HCN1: variants seen among roughly 807,000 people sequenced by gnomAD.
The protein encoded by HCN1 is potassium/sodium hyperpolarization-activated cyclic nucleotide-gated channel 1.
Under a neutral mutation model 78.9 loss-of-function variants are expected in HCN1, and 13 were observed. That is an observed-to-expected ratio of 0.16 (90% CI 0.11 to 0.26). The LOEUF is 0.26. Among genes scored for constraint, HCN1 ranks in the 10% least tolerant of loss-of-function variants. The pLI, the probability that HCN1 is intolerant of heterozygous loss-of-function variation, is 1.00. For missense variants in HCN1, 810 were observed against 1,154.3 expected, an observed-to-expected ratio of 0.70 and a Z score of 4.32; for synonymous variants, 552 against 455.5, an observed-to-expected ratio of 1.21 and a Z score of -2.70.
intron 3 of HCN1, among the ~76,000 whole-genome samples, chr5:45,446,659 G>C (rs147377091): frequency 0.096 from 14,630 of 152,202 alleles, 947 homozygotes; most frequent in Middle Eastern, 0.17. Context: ...TACCCTCAAA[G>C]GGAAGCCCAT....
At chr5:45,455,801 C>G (rs1741018151) in intron 3 of HCN1, among the ~76,000 whole-genome samples, 1 of 146,656 alleles carries the variant, frequency 6.8e-6, no homozygotes, top group African/African-American at 2.5e-5. Context: ...GGCATTATAG[C>G]AGCTTTTCAA....
chr5:45,453,123 C>T (rs1364065606), intron 3 of HCN1, among the ~76,000 whole-genome samples: 1 of 151,980 alleles, frequency 6.6e-6, no homozygotes, highest in Admixed American at 6.6e-5. Flanking sequence ...AAATAGGCAA[C>T]TTAGCTTACA....
chr5:45,286,598 A>G (rs1745274381), intron 6 of HCN1, among the ~76,000 whole-genome samples: 1 of 151,966 alleles, frequency 6.6e-6, no homozygotes, highest in African/African-American at 2.4e-5. Context: ...TGACTGTATT[A>G]TTGTCAGCGA....
At chr5:45,520,431 T>A (rs894190303) in intron 2 of HCN1, among the ~76,000 whole-genome samples, 2 of 152,050 alleles carry the variant, frequency 1.3e-5, no homozygotes, top group Non-Finnish European at 2.9e-5. Context: ...GGACACTGAT[T>A]TATGCAACTT....
At chr5:45,447,800 G>T (rs1007679458) in intron 3 of HCN1, among the ~76,000 whole-genome samples, 1 of 151,980 alleles carries the variant, frequency 6.6e-6, no homozygotes, top group Non-Finnish European at 1.5e-5. Context: ...ACCTCAAAAA[G>T]GGGGAGGTGT....
chr5:45,520,361 C>T (rs1241765119), intron 2 of HCN1, among the ~76,000 whole-genome samples: 4 of 151,942 alleles, frequency 2.6e-5, no homozygotes, highest in Non-Finnish European at 4.4e-5. Context: ...TGCATCTGCT[C>T]CAGTCTCAGT....
chr5:45,591,897 C>T lies in HCN1; in HGVS notation c.849+53288G>A, dbSNP rs190615100. 3.7e-4 allele frequency among the ~76,000 whole-genome samples: 56 copies of T among 152,074 alleles called. 1 individual carries two copies. The South Asian group carries it at 6.9e-3, about 19-fold the overall frequency. On this transcript the variant is annotated intron_variant, in intron 2 of 7. Transcript: ENST00000303230. ...TTATCTAGGTTTTCTCCTATGTTTT[C>T]TTCTAGGAGTTTTATAGTTTTGTAT...
intron 2 of HCN1, among the ~76,000 whole-genome samples, chr5:45,630,893 T>C (rs976250805): frequency 6.6e-6 from 1 of 152,298 alleles, no homozygotes; most frequent in African/African-American, 2.4e-5. Flanking sequence ...TTTTTGTGTA[T>C]TGTTGTAATG....
intron 4 of HCN1, among the ~76,000 whole-genome samples, chr5:45,375,796 GATATATCTTATATATAATATAATATTTT>G (rs1747625228): frequency 6.4e-5 from 7 of 109,396 alleles, no homozygotes. Flanking sequence ...AATATTTTAT[GATATATCTTATATATAATATAATATTTT>G]ATGATATATC....
intron 2 of HCN1, among the ~76,000 whole-genome samples, chr5:45,498,800 C>G (rs564448384): frequency 1.3e-5 from 2 of 152,106 alleles, no homozygotes; most frequent in African/African-American, 4.8e-5. Flanking sequence ...TTCCTTCTAA[C>G]AGACAGGACC....
rs186054601 is a variant in HCN1 at position 45,597,268 on chromosome 5, G to A, written c.849+47917C>T. Among the ~76,000 whole-genome samples the A allele has an allele frequency of 5.3e-5, 8 of 152,152 alleles. No individual in the cohort carries two copies. In the East Asian group the frequency reaches 5.8e-4, roughly 11 times the overall value. On this transcript the variant is annotated intron_variant, in intron 2 of 7. Coordinates refer to ENST00000303230, the MANE Select transcript of HCN1 (RefSeq NM_021072.4). Reference sequence around the variant, plus strand: ...GGGATGCAAAGCTGGTTCAACTTACGCAAATCAATAAACGTAATCCATCAC... The same window carrying A: ...GGGATGCAAAGCTGGTTCAACTTACACAAATCAATAAACGTAATCCATCAC...
intron 2 of HCN1, among the ~76,000 whole-genome samples, chr5:45,519,511 T>C (rs1308876878): frequency 6.6e-6 from 1 of 151,986 alleles, no homozygotes; most frequent in Non-Finnish European, 1.5e-5. Context: ...AAAAAAACAA[T>C]GTGCAGTTTT....
chr5:45,552,924 A>T (rs1277156893), intron 2 of HCN1, among the ~76,000 whole-genome samples: 1 of 151,922 alleles, frequency 6.6e-6, no homozygotes, highest in Admixed American at 6.6e-5. Flanking sequence ...CAAATAGGAG[A>T]TCAGATAAAA....
intron 1 of HCN1, among the ~76,000 whole-genome samples, chr5:45,658,079 C>G (rs549172319): frequency 6.6e-6 from 1 of 152,078 alleles, no homozygotes; most frequent in African/African-American, 2.4e-5. Context: ...TCAGAAATAA[C>G]GCCGCATATC....
At chr5:45,368,780 C>T (rs1747287564) in intron 4 of HCN1, among the ~76,000 whole-genome samples, 1 of 151,980 alleles carries the variant, frequency 6.6e-6, no homozygotes, top group Non-Finnish European at 1.5e-5. Flanking sequence ...TTTGTTTTGC[C>T]ATATTTTTTT....
At chr5:45,289,724 A>C (rs553748987) in intron 6 of HCN1, among the ~76,000 whole-genome samples, 1 of 152,184 alleles carries the variant, frequency 6.6e-6, no homozygotes, top group South Asian at 2.1e-4. Flanking sequence ...TATTCTATTC[A>C]GCACTGTATT....
At chr5:45,651,962 T>C (rs1341600447) in intron 1 of HCN1, among the ~76,000 whole-genome samples, 1 of 151,978 alleles carries the variant, frequency 6.6e-6, no homozygotes, top group Non-Finnish European at 1.5e-5. Context: ...TTAGCCTAAG[T>C]AATGAATAAA....
intron 6 of HCN1, among the ~76,000 whole-genome samples, chr5:45,290,297 A>G (rs1386596727): frequency 6.6e-6 from 1 of 151,968 alleles, no homozygotes; most frequent in East Asian, 1.9e-4. Flanking sequence ...GCAATGTGAG[A>G]ATGGACAAAT....
At chr5:45,299,551 C>T (rs1053872576) in intron 6 of HCN1, among the ~76,000 whole-genome samples, 2 of 151,756 alleles carry the variant, frequency 1.3e-5, no homozygotes, top group Non-Finnish European at 2.9e-5. Context: ...TTGGCATTGG[C>T]ATCAAATTTT....
Sources: gnomAD v4.1 joint callset for allele counts (sites outside exome capture counted in the v4.1 genomes callset) on GRCh38, gnomAD v4.1.1 for gene constraint, MANE v1.5 for transcripts, NCBI Gene and HGNC (gene_info 2026-07-23, HGNC 2026-07-21) for gene names.